The following CSMD2 variants were observed in gnomAD, a reference collection of about 807,000 sequenced individuals.
CSMD2 encodes CUB and sushi domain-containing protein 2.
CSMD2 carries 130 observed loss-of-function variants against 398.5 expected under a neutral mutation model. The ratio of observed to expected loss-of-function variants is 0.33; its 90% CI spans 0.28 to 0.38. The LOEUF is 0.38. Ranked by LOEUF, CSMD2 falls within the 10% of genes least tolerant of loss-of-function variation. The pLI, the probability that CSMD2 is intolerant of heterozygous loss-of-function variation, is 1.00. For synonymous variants in CSMD2, 1,828 were observed against 1,908.5 expected, an observed-to-expected ratio of 0.96 and a Z score of 1.10; for missense variants, 3,829 against 4,764.9, an observed-to-expected ratio of 0.80 and a Z score of 5.78.
intron 1 of CSMD2, among the ~76,000 whole-genome samples, chr1:34,160,359 G>C (rs1281860593): frequency 2.0e-5 from 3 of 152,232 alleles, no homozygotes; most frequent in Non-Finnish European, 4.4e-5. Flanking sequence ...ACTGAGTAGT[G>C]AAACGCCTTT....
intron 53 of CSMD2, among the ~76,000 whole-genome samples, chr1:33,561,075 C>T (rs574706881): frequency 6.6e-6 from 1 of 152,146 alleles, no homozygotes; most frequent in South Asian, 2.1e-4. Context: ...TCTCTTTGTC[C>T]AATACTTAAA....
At position 34,164,676 on chromosome 1, in the gene CSMD2, A is replaced by G. The variant is rs1057215415; in HGVS notation, c.187+235T>C. On this transcript the variant is annotated intron_variant, in intron 1 of 70. Transcript: ENST00000373381. The surrounding 1 kb of genome is among the most constrained non-coding windows in gnomAD (Gnocchi z 6.2). Reference sequence around the variant, plus strand: ...CCCCCACACCGGCCGCATCCGTCCAAGTTGCGGCTGGGGTTGGGGCAGCAG... The same window carrying G: ...CCCCCACACCGGCCGCATCCGTCCAGGTTGCGGCTGGGGTTGGGGCAGCAG... 7.9e-5 allele frequency among the ~76,000 whole-genome samples: 12 copies of G among 151,656 alleles called. No homozygotes were observed. The highest frequency in any genetic ancestry group is 5.9e-4 in the East Asian group (3 of 5,060).
At chr1:33,693,937 T>C (rs566624308) in intron 24 of CSMD2, among the ~76,000 whole-genome samples, 1 of 152,178 alleles carries the variant, frequency 6.6e-6, no homozygotes, top group African/African-American at 2.4e-5. Context: ...TACATGCCTG[T>C]AATCCCAGCT....
At chr1:34,016,176 T>C (rs1056438342) in intron 3 of CSMD2, among the ~76,000 whole-genome samples, 3 of 152,196 alleles carry the variant, frequency 2.0e-5, no homozygotes, top group Admixed American at 1.3e-4. Flanking sequence ...CTGGGATACA[T>C]GTTCTGAATG....
chr1:33,569,529 A>C lies in CSMD2; in HGVS notation c.7976T>G (p.Leu2659Arg), dbSNP rs3820206. 5 of 1,614,110 alleles carry C rather than the reference A, an allele frequency of 3.1e-6. No individual in the cohort carries two copies. In the East Asian group the frequency reaches 1.1e-4, roughly 36 times the overall value. The stretch of plus-strand genomic sequence containing the variant: ...GCGGTGGCCATTGGGGGGAATCGGG[A>C]GCTCTCCACAGGAGATGACTAAAAT... Reference protein sequence around the residue: ...PTCRIISCGELPIPPNGHRIG... With the variant: ...PTCRIISCGERPIPPNGHRIG... The change falls in exon 52 of 71, where the codon CTC becomes CGC. Residue 2659 changes from leucine (L) to arginine (R), a missense_variant. Coordinates refer to ENST00000373381, the MANE Select transcript of CSMD2 (RefSeq NM_001281956.2).
intron 15 of CSMD2, among the ~76,000 whole-genome samples, chr1:33,729,388 T>C (rs1055916687): frequency 6.6e-6 from 1 of 152,116 alleles, no homozygotes; most frequent in Non-Finnish European, 1.5e-5. Context: ...TCCTTCACTT[T>C]CTCTGTTGTT....
chr1:33,888,127 A>G (rs145961596), intron 5 of CSMD2, among the ~76,000 whole-genome samples: 254 of 152,290 alleles, frequency 1.7e-3, no homozygotes, highest in African/African-American at 5.6e-3. Flanking sequence ...AGGCCTGGAA[A>G]ATAAGAGGCA....
At chr1:34,124,957 A>G (rs1245333411) in intron 1 of CSMD2, among the ~76,000 whole-genome samples, 1 of 152,198 alleles carries the variant, frequency 6.6e-6, no homozygotes, top group African/African-American at 2.4e-5. Context: ...GTCTACTTCC[A>G]TGACTTCGAT....
intron 1 of CSMD2, among the ~76,000 whole-genome samples, chr1:34,098,793 T>TA (rs1558384845): frequency 6.6e-6 from 1 of 152,090 alleles, no homozygotes. Context: ...AGTTACATGG[T>TA]AAAAAAATAA....
intron 13 of CSMD2, among the ~76,000 whole-genome samples, chr1:33,750,965 C>T (rs1648147839): frequency 6.6e-6 from 1 of 151,912 alleles, no homozygotes; most frequent in African/African-American, 2.4e-5. Flanking sequence ...TAAACAAAAG[C>T]TGAATAATGA....
chr1:34,072,333 TCCAAACCTG>T (rs1357425911), intron 2 of CSMD2, among the ~76,000 whole-genome samples: 1 of 152,106 alleles, frequency 6.6e-6, no homozygotes, highest in Non-Finnish European at 1.5e-5. Context: ...GAATGACAAG[TCCAAACCTG>T]CCTCCACCCT....
intron 5 of CSMD2, among the ~76,000 whole-genome samples, chr1:33,898,042 G>C (rs1232335777): frequency 6.6e-6 from 1 of 152,186 alleles, no homozygotes. Context: ...CTTGGAGTTA[G>C]ATTGAGAGAG....
intron 36 of CSMD2, among the ~76,000 whole-genome samples, chr1:33,622,604 T>C (rs1641843496): frequency 6.6e-6 from 1 of 152,192 alleles, no homozygotes; most frequent in South Asian, 2.1e-4. Context: ...TCCTGCAGTG[T>C]GGACAGTTTA....
At chr1:34,118,485 T>C (rs954884583) in intron 1 of CSMD2, among the ~76,000 whole-genome samples, 27 of 152,348 alleles carry the variant, frequency 1.8e-4, no homozygotes, top group South Asian at 4.1e-4. Context: ...CCTGATCTTG[T>C]ATGTGGAAAA....
At chr1:33,918,664 T>C (rs1643847350) in intron 4 of CSMD2, among the ~76,000 whole-genome samples, 1 of 152,056 alleles carries the variant, frequency 6.6e-6, no homozygotes, top group Non-Finnish European at 1.5e-5. Context: ...AGATGAATAA[T>C]ATAAGATAGT....
intron 5 of CSMD2, among the ~76,000 whole-genome samples, chr1:33,873,389 T>C (rs977265468): frequency 6.6e-6 from 1 of 152,166 alleles, no homozygotes; most frequent in Admixed American, 6.5e-5. Context: ...TGCAGTCCCC[T>C]CCCTTTGTGT....
intron 4 of CSMD2, among the ~76,000 whole-genome samples, chr1:33,928,353 C>T (rs1644197962): frequency 1.3e-5 from 2 of 152,184 alleles, no homozygotes; most frequent in African/African-American, 4.8e-5. Flanking sequence ...AATGCAGGAC[C>T]TGGTACTTAG....
chr1:33,847,307 T>C (rs1638330392), intron 5 of CSMD2, among the ~76,000 whole-genome samples: 1 of 151,712 alleles, frequency 6.6e-6, no homozygotes. Flanking sequence ...TTCTAGTTCT[T>C]TGCCTTTTCT....
At chr1:34,069,129 C>T (rs967973356) in intron 2 of CSMD2, among the ~76,000 whole-genome samples, 1 of 152,176 alleles carries the variant, frequency 6.6e-6, no homozygotes, top group African/African-American at 2.4e-5. Context: ...CCCCCCAGGG[C>T]CTCATAAATG....
Sources: gnomAD v4.1 joint callset for allele counts (sites outside exome capture counted in the v4.1 genomes callset) on GRCh38, gnomAD v4.1.1 for gene constraint, Gnocchi (gnomAD v3.1) non-coding constraint, MANE v1.5 for transcripts, NCBI Gene and HGNC (gene_info 2026-07-23, HGNC 2026-07-21) for gene names.